Variants in TRMT11 observed in about 807,000 individuals in gnomAD.
The protein encoded by TRMT11 is tRNA (guanine(10)-N(2))-methyltransferase TRMT11.
Under a neutral mutation model 62.8 loss-of-function variants are expected in TRMT11, and 53 were observed. The ratio of observed to expected loss-of-function variants is 0.84; its 90% CI spans 0.68 to 1.06. The LOEUF is 1.06. TRMT11 is among the 50% of genes least tolerant of loss of function. The pLI is 0.00. For missense variants in TRMT11, 556 were observed against 553.4 expected (o/e 1.00, Z -0.05); for synonymous variants, 188 against 190.3 (o/e 0.99, Z 0.10).
intron 17 of TRMT11, among the ~76,000 whole-genome samples, chr6:126,085,121 G>C (rs1012247819): frequency 5.3e-5 from 8 of 152,006 alleles, no homozygotes; most frequent in African/African-American, 1.9e-4. Flanking sequence ...TGAGGTGATG[G>C]GTATGCTAAT....
rs377559908 is a variant in TRMT11, at chr6:126,081,655, T to C, written c.*1437+28465T>C. ...AATGCTTTGTAAGCAGTTAAAACAATTTTTTTGGAGGTCACATATACTACA... is the reference window on the plus strand; with the variant it reads ...AATGCTTTGTAAGCAGTTAAAACAACTTTTTTGGAGGTCACATATACTACA... On this transcript the variant is annotated intron_variant and NMD_transcript_variant, in intron 17 of 22. Coordinates refer to the TRMT11 transcript ENST00000648977. Among the ~76,000 whole-genome samples the C allele has an allele frequency of 1.1e-3, 167 of 152,198 alleles. 2 individuals are homozygous for C. The highest frequency in any genetic ancestry group is 6.6e-3 in the South Asian group (32 of 4,826).
intron 17 of TRMT11, among the ~76,000 whole-genome samples, chr6:126,073,627 G>GT (rs796733456): frequency 5.1e-4 from 75 of 147,930 alleles, no homozygotes; most frequent in African/African-American, 1.6e-3. Flanking sequence ...ATTGTTCCTA[G>GT]TTTTTTTTTT....
intron 3 of TRMT11, 128 bp from the exon 4 acceptor site, chr6:125,997,925 C>T: frequency 1.5e-6 from 1 of 662,694 alleles, no homozygotes; most frequent in Non-Finnish European, 2.7e-6. Flanking sequence ...ATAACCGATT[C>T]ATTTATACTT....
At chr6:126,127,643 A>C (rs953422860) in intron 21 of TRMT11, among the ~76,000 whole-genome samples, 30 of 138,906 alleles carry the variant, frequency 2.2e-4, no homozygotes, top group Non-Finnish European at 4.1e-4. Context: ...TCCTAATGCT[A>C]TCCCTCCCCC....
At chr6:126,093,607 A>T (rs1269135427) in intron 17 of TRMT11, among the ~76,000 whole-genome samples, 9 of 92,426 alleles carry the variant, frequency 9.7e-5, no homozygotes, top group South Asian at 8.8e-4. Flanking sequence ...ATATATATAT[A>T]TATATATATA....
intron 12 of TRMT11, among the ~76,000 whole-genome samples, chr6:126,023,947 A>G (rs1023875311): frequency 6.6e-6 from 1 of 152,236 alleles, no homozygotes; most frequent in African/African-American, 2.4e-5. Context: ...TGCTTTAGAA[A>G]GAACAAAGTG....
chr6:126,255,507 T>C, the TRMT11 span, among the ~76,000 whole-genome samples: 4 of 152,184 alleles, frequency 2.6e-5, no homozygotes, highest in Admixed American at 1.3e-4. Context: ...AGGAAAAAAA[T>C]AACCAATTTC....
intron 21 of TRMT11, among the ~76,000 whole-genome samples, chr6:126,160,781 C>T (rs942662374): frequency 4.6e-5 from 7 of 152,100 alleles, no homozygotes; most frequent in Non-Finnish European, 1.0e-4. Context: ...AGCTATAAAA[C>T]GTGTTAAAGA....
intron 12 of TRMT11, among the ~76,000 whole-genome samples, chr6:126,034,951 T>C (rs1358004212): frequency 6.6e-6 from 1 of 151,924 alleles, no homozygotes; most frequent in Non-Finnish European, 1.5e-5. Flanking sequence ...CATGAAAAGG[T>C]GATGAAAAAT....
chr6:126,013,026 A>T lies in TRMT11; in HGVS notation c.1064A>T (p.Asp355Val). 1.2e-6 allele frequency: 2 copies of T among 1,613,796 alleles called. No homozygotes were observed. The highest frequency in any genetic ancestry group is 1.7e-6 in the Non-Finnish European group (2 of 1,179,914). The change falls in exon 11 of 13, where the codon GAC (aspartate) becomes GTC (valine). Residue 355 changes from aspartate (D) to valine (V), a missense_variant. Asp to Val is a radical substitution (Grantham distance 152, BLOSUM62 -3). Transcript: ENST00000334379. ...LSYHLSDMFL[D>V]LLNFAAETLV... Reference sequence around the variant, plus strand: ...TATCATCTGAGTGATATGTTTCTTGACCTGTTAAACTTCGCAGCTGAGACC... The same window carrying T: ...TATCATCTGAGTGATATGTTTCTTGTCCTGTTAAACTTCGCAGCTGAGACC...
At chr6:126,243,188 T>C in the TRMT11 span, among the ~76,000 whole-genome samples, 1 of 152,196 alleles carries the variant, frequency 6.6e-6, no homozygotes, top group East Asian at 1.9e-4. Context: ...GAAAAAATGC[T>C]CATCATCACT....
At chr6:126,230,908 C>A in the TRMT11 span, among the ~76,000 whole-genome samples, 1 of 152,080 alleles carries the variant, frequency 6.6e-6, no homozygotes, top group Non-Finnish European at 1.5e-5. Flanking sequence ...AGGAATAATA[C>A]GTCCTCATTG....
At chr6:126,087,892 T>A (rs901757215) in intron 17 of TRMT11, among the ~76,000 whole-genome samples, 4 of 152,202 alleles carry the variant, frequency 2.6e-5, no homozygotes, top group Admixed American at 1.3e-4. Context: ...TTCTGACCAC[T>A]TTGGCCATTT....
chr6:126,017,009 A>T (rs1340818799), intron 11 of TRMT11, among the ~76,000 whole-genome samples: 1 of 152,208 alleles, frequency 6.6e-6, no homozygotes, highest in African/African-American at 2.4e-5. Flanking sequence ...TGAAAATAAC[A>T]CAGTATCAAG....
At chr6:126,215,682 T>A in the TRMT11 span, among the ~76,000 whole-genome samples, 1 of 152,008 alleles carries the variant, frequency 6.6e-6, no homozygotes. Flanking sequence ...AGTTCATTAG[T>A]GAAGGTGATT....
intron 21 of TRMT11, among the ~76,000 whole-genome samples, chr6:126,144,450 C>T (rs1777952981): frequency 6.6e-6 from 1 of 152,146 alleles, no homozygotes; most frequent in African/African-American, 2.4e-5. Flanking sequence ...TTTCTTCTCT[C>T]CTTTTTGGAT....
chr6:126,187,300 A>G (rs1301896118), intron 1 of TRMT11, among the ~76,000 whole-genome samples: 1 of 152,004 alleles, frequency 6.6e-6, no homozygotes, highest in African/African-American at 2.4e-5. Flanking sequence ...TAGTCAATTG[A>G]ATTGTTATAT....
the TRMT11 span, among the ~76,000 whole-genome samples, chr6:126,270,678 T>G: frequency 6.6e-6 from 1 of 152,196 alleles, no homozygotes; most frequent in African/African-American, 2.4e-5. Context: ...AATAATAAAA[T>G]ACATTTTGCA....
chr6:126,023,542 G>C (rs1255923440), intron 12 of TRMT11, among the ~76,000 whole-genome samples: 1 of 152,132 alleles, frequency 6.6e-6, no homozygotes, highest in South Asian at 2.1e-4. Context: ...CAGTGACTTG[G>C]GGGGCTGAGG....
Sources: allele counts gnomAD v4.1 joint callset (sites outside exome capture counted in the v4.1 genomes callset), GRCh38; gene constraint gnomAD v4.1.1; transcripts MANE v1.5; gene names NCBI Gene and HGNC (gene_info 2026-07-23, HGNC 2026-07-21).